Variants in MICAL2 observed in about 807,000 individuals in gnomAD.
MICAL2 encodes [F-actin]-monooxygenase MICAL2.
MICAL2 carries 77 observed loss-of-function variants against 127.3 expected under a neutral mutation model. That is an observed-to-expected ratio of 0.60 (90% CI 0.50 to 0.73). MICAL2 has a LOEUF of 0.73. Among genes scored for constraint, MICAL2 ranks in the 30% least tolerant of loss-of-function variants. The pLI, the probability that MICAL2 is intolerant of heterozygous loss-of-function variation, is 0.00. For synonymous variants in MICAL2, 570 were observed against 551.1 expected, an observed-to-expected ratio of 1.03 and a Z score of -0.48; for missense variants, 1,351 against 1,434.4, an observed-to-expected ratio of 0.94 and a Z score of 0.94.
chr11:12,230,714 TC>T (rs35525006), intron 15 of MICAL2, among the ~76,000 whole-genome samples: 4 of 150,888 alleles, frequency 2.7e-5, no homozygotes, highest in South Asian at 2.1e-4. Context: ...AATTCTTCTT[TC>T]CCCCCCCATC....
intron 29 of MICAL2, among the ~76,000 whole-genome samples, chr11:12,314,645 A>ATTTTTTTTTTTTTTTTTTTTTTTTTT (rs545442574): frequency 8.1e-6 from 1 of 123,052 alleles, no homozygotes; most frequent in Non-Finnish European, 1.6e-5. Flanking sequence ...TGCCCAGCTA[A>ATTTTTTTTTTTTTTTTTTTTTTTTTT]TTTTTTTTTT....
chr11:12,143,972 T>A (rs778484938), intron 2 of MICAL2, among the ~76,000 whole-genome samples: 1 of 151,882 alleles, frequency 6.6e-6, no homozygotes, highest in Non-Finnish European at 1.5e-5. Flanking sequence ...CGCCAGGAAC[T>A]CTTGTCTCCT....
chr11:12,321,058 T>C (rs554407228), intron 30 of MICAL2, among the ~76,000 whole-genome samples: 6 of 152,270 alleles, frequency 3.9e-5, no homozygotes, highest in Non-Finnish European at 5.9e-5. Flanking sequence ...TTGACACTCA[T>C]GGAGAATAAA....
Position 12,242,240 on chromosome 11 carries a change from C to G in MICAL2, c.2364C>G (p.His788Gln), listed in dbSNP as rs137960605. Residue 788 changes from histidine (H) to glutamine (Q), a missense_variant, in exon 19 of 28, where the codon CAC becomes CAG. By Grantham distance (24) the His-to-Gln change is conservative. Transcript: ENST00000683283. ...TCCCCTCTGTGGTCGTGACGGGGCA[C>G]GTGCTCAGAGAGCTCAAGCAAGTGT... ...RQFPSVVVTG[H>Q]VLRELKQVSA... 1.2e-6 allele frequency: 2 copies of G among 1,610,670 alleles called. No individual in the cohort carries two copies. Among genetic ancestry groups the G allele is most frequent in the Non-Finnish European group, 1.7e-6 (2 of 1,177,406 alleles).
intron 1 of MICAL2, among the ~76,000 whole-genome samples, chr11:12,122,084 T>C (rs913795031): frequency 1.3e-5 from 2 of 152,378 alleles, no homozygotes; most frequent in Non-Finnish European, 1.5e-5. Context: ...ATTTGAAGCA[T>C]GCTGTCACAG....
chr11:12,250,230 T>C (rs1021623876), intron 22 of MICAL2: 8 of 152,184 alleles, frequency 5.3e-5, no homozygotes, highest in African/African-American at 1.9e-4. Flanking sequence ...AACATGGAAA[T>C]GCAAAGCTGC....
At chr11:12,338,500 A>C (rs1273813718) in intron 32 of MICAL2, among the ~76,000 whole-genome samples, 2 of 152,104 alleles carry the variant, frequency 1.3e-5, no homozygotes, top group Non-Finnish European at 2.9e-5. Flanking sequence ...TGTCATTATG[A>C]TGTTAGCTGG....
chr11:12,262,732 TC>T, intron 27 of MICAL2, 195 bp downstream of exon 27: 1 of 567,466 alleles, frequency 1.8e-6, no homozygotes, highest in South Asian at 2.1e-5. Flanking sequence ...TGTGTTCATT[TC>T]CCATGGAGCT....
chr11:12,222,582 G>A (rs1257160832), intron 10 of MICAL2, 35 bp from the exon 11 acceptor site: 2 of 1,613,862 alleles, frequency 1.2e-6, no homozygotes, highest in South Asian at 2.2e-5. Flanking sequence ...GGTGGCAAAA[G>A]TGATCCCTGA....
At chr11:12,182,075 T>G (rs1305454139) in intron 3 of MICAL2, among the ~76,000 whole-genome samples, 9 of 152,232 alleles carry the variant, frequency 5.9e-5, no homozygotes, top group Admixed American at 2.0e-4. Context: ...GAAATTATTA[T>G]AAGTGAATAA....
rs1263448913 is a variant in MICAL2, at chr11:12,207,944, C to G, written c.473-79C>G. The G allele has an allele frequency of 3.7e-6, 4 of 1,084,014 alleles. No homozygotes were observed. The African/African-American group carries it at 6.2e-5, about 17-fold the overall frequency. 67.1% of individuals were successfully genotyped at this position (1,084,014 alleles called of 1,614,324 possible). ...GCTGTGCTCAAAGGTCACTGAGCGG[C>G]AGTGATTATGTAGCATTCTGCATAT... On this transcript the variant is annotated intron_variant, in intron 4 of 27. Transcript: ENST00000683283.
intron 3 of MICAL2, among the ~76,000 whole-genome samples, chr11:12,178,155 C>T (rs1590203170): frequency 6.6e-6 from 1 of 152,240 alleles, no homozygotes; most frequent in African/African-American, 2.4e-5. Context: ...ATGAAGCTGC[C>T]ATTAAGACCC....
At chr11:12,224,077 C>T (rs781075494) in intron 12 of MICAL2, among the ~76,000 whole-genome samples, 2 of 152,158 alleles carry the variant, frequency 1.3e-5, no homozygotes, top group African/African-American at 4.8e-5. Flanking sequence ...CCACACACCA[C>T]GACATGCCCC....
chr11:12,227,001 C>CA (rs753585243), intron 14 of MICAL2, 24 bp from the exon 15 acceptor site: 3 of 1,579,676 alleles, frequency 1.9e-6, no homozygotes. Context: ...TTCCAAATCA[C>CA]AGTTGCGCTT....
At chr11:12,128,304 T>A (rs1851117222) in intron 1 of MICAL2, among the ~76,000 whole-genome samples, 1 of 152,240 alleles carries the variant, frequency 6.6e-6, no homozygotes, top group Non-Finnish European at 1.5e-5. Context: ...CAGTTGTTTA[T>A]CAAGACTGCA....
At chr11:12,119,415 C>G (rs924135740) in intron 1 of MICAL2, among the ~76,000 whole-genome samples, 1 of 152,166 alleles carries the variant, frequency 6.6e-6, no homozygotes, top group African/African-American at 2.4e-5. Flanking sequence ...ATTATGAAAC[C>G]CTTCAAATCC....
At chr11:12,161,335 G>A (rs1854763778) in intron 2 of MICAL2, 2 of 152,208 alleles carry the variant, frequency 1.3e-5, no homozygotes, top group African/African-American at 2.4e-5. Context: ...ATGAGCCGGA[G>A]CACTTGTTCC....
chr11:12,294,482 C>A (rs113400332), downstream of MICAL2: 1 of 1,614,216 alleles, frequency 6.2e-7, no homozygotes, highest in Non-Finnish European at 8.5e-7. Context: ...TTTGCCCAAT[C>A]GGCCATCCAA....
chr11:12,260,208 A>G (rs997221788), intron 26 of MICAL2: 26 of 1,465,646 alleles, frequency 1.8e-5, no homozygotes, highest in Non-Finnish European at 2.2e-5. Flanking sequence ...TCACATTTCC[A>G]GGGAGGCTTC....
Sources: allele counts gnomAD v4.1 joint callset (sites outside exome capture counted in the v4.1 genomes callset), GRCh38; gene constraint gnomAD v4.1.1; transcripts MANE v1.5; gene names NCBI Gene and HGNC (gene_info 2026-07-23, HGNC 2026-07-21).